The following CFAP43 variants were observed in gnomAD, a reference collection of about 807,000 sequenced individuals.
CFAP43 encodes cilia and flagella associated protein 43.
Under a neutral mutation model 218.9 loss-of-function variants are expected in CFAP43, and 155 were observed. The observed-to-expected ratio is 0.71, with a 90% CI of 0.62 to 0.81. CFAP43 has a LOEUF of 0.81. Ranked by LOEUF, CFAP43 falls within the 30% of genes least tolerant of loss-of-function variation. The pLI, the probability that CFAP43 is intolerant of heterozygous loss-of-function variation, is 0.00. For synonymous variants in CFAP43, 645 were observed against 681.3 expected (o/e 0.95, Z 0.83); for missense variants, 1,778 against 1,954.3 (o/e 0.91, Z 1.70).
At chr10:104,199,436 A>T (rs1369895310) in intron 8 of CFAP43, among the ~76,000 whole-genome samples, 1 of 152,230 alleles carries the variant, frequency 6.6e-6, no homozygotes, top group African/African-American at 2.4e-5. Flanking sequence ...TCTTCAATAA[A>T]TATTAAGTGG....
intron 24 of CFAP43, 42 bp from the exon 25 acceptor site, chr10:104,162,445 A>T: frequency 6.4e-7 from 1 of 1,552,822 alleles, no homozygotes; most frequent in African/African-American, 1.4e-5. Context: ...TTCTTACAAA[A>T]TTCAAACTAA....
intron 3 of CFAP43, among the ~76,000 whole-genome samples, chr10:104,224,075 G>C (rs2091248860): frequency 6.6e-6 from 1 of 152,090 alleles, no homozygotes; most frequent in Non-Finnish European, 1.5e-5. Context: ...ATGGAGTCTT[G>C]CTCTGTCGCC....
chr10:104,221,644 A>G (rs1018436503), intron 3 of CFAP43, among the ~76,000 whole-genome samples: 1 of 152,212 alleles, frequency 6.6e-6, no homozygotes, highest in African/African-American at 2.4e-5. Flanking sequence ...ATTTTGTGAC[A>G]GCTTACTAAG....
At chr10:104,169,207 C>G (rs984702218) in intron 20 of CFAP43, among the ~76,000 whole-genome samples, 10 of 152,174 alleles carry the variant, frequency 6.6e-5, no homozygotes, top group African/African-American at 2.2e-4. Context: ...GTTGGAACAG[C>G]AGGGAAGCAA....
intron 31 of CFAP43, among the ~76,000 whole-genome samples, chr10:104,144,773 G>C (rs1013112097): frequency 1.3e-5 from 2 of 152,156 alleles, no homozygotes; most frequent in African/African-American, 4.8e-5. Flanking sequence ...CAAACTCCTT[G>C]ATTTCTAGAT....
chr10:104,137,469 G>A (rs2087504339), intron 34 of CFAP43, among the ~76,000 whole-genome samples: 1 of 152,104 alleles, frequency 6.6e-6, no homozygotes. Flanking sequence ...AGGTGGATGG[G>A]GAATAATTGC....
In CFAP43 at chr10:104,179,068, C is replaced by G. The variant is rs755266022; in HGVS notation, c.2421G>C (p.Arg807Ser). The G allele has an allele frequency of 5.0e-6, 8 of 1,613,092 alleles. No homozygotes were observed. The South Asian group carries it at 8.8e-5, about 18-fold the overall frequency. Residue 807 changes from arginine to serine, a missense_variant, in exon 19 of 38, where the codon AGG (arginine) becomes AGC (serine). By Grantham distance (110) the Arg-to-Ser change is moderately radical. Coordinates refer to ENST00000357060, the MANE Select transcript of CFAP43 (RefSeq NM_025145.7). ...ATTTGATTCCTTGTTTTATCTCTTT[C>G]CTTTTCTTGGAAAACAGATTAACCT... ...KKEVNLFSKK[R>S]KEIKQGIKSL...
At chr10:104,175,610 C>T (rs938924136) in intron 19 of CFAP43, among the ~76,000 whole-genome samples, 5 of 152,150 alleles carry the variant, frequency 3.3e-5, no homozygotes, top group African/African-American at 1.2e-4. Context: ...CAGTACACTT[C>T]AGAATATTCA....
At chr10:104,194,039 G>T in intron 10 of CFAP43, 25 bp from the exon 11 acceptor site, 1 of 1,609,080 alleles carries the variant, frequency 6.2e-7, no homozygotes, top group Non-Finnish European at 8.5e-7. Flanking sequence ...CCCCAGATGC[G>T]TATCTCTATT....
Position 104,185,113 on chromosome 10 carries a change from G to A in CFAP43, c.2044C>T (p.Gln682Ter). ...TFAWCRSHSH[Q>*]GHGIQSMRIS... ...CTCATTGACTGAATCCCATGACCCT[G>A]GTGAGAATGACTCCGACACCAAGCA... is the stretch of plus-strand genomic sequence containing the variant. The change falls in exon 16 of 38, where the codon CAG (glutamine) becomes TAG (stop). Residue 682 changes from glutamine (Q) to a stop codon, truncating the protein, a stop_gained. Transcript: ENST00000357060. LOFTEE classifies it high-confidence loss of function. The A allele has an allele frequency of 3.1e-6, 5 of 1,613,986 alleles. No homozygotes were observed. Among genetic ancestry groups the A allele is most frequent in the Non-Finnish European group, 3.4e-6 (4 of 1,179,988 alleles).
chr10:104,152,548 G>C, intron 28 of CFAP43, 59 bp downstream of exon 28: 1 of 1,600,060 alleles, frequency 6.2e-7, no homozygotes, highest in Non-Finnish European at 8.5e-7. Context: ...TTCATCCTAA[G>C]AACCATGGAA....
At chr10:104,141,062 C>G in intron 33 of CFAP43, 61 bp from the exon 34 acceptor site, 1 of 1,489,898 alleles carries the variant, frequency 6.7e-7, no homozygotes, top group Non-Finnish European at 9.1e-7. Context: ...CACCTATTAT[C>G]TGAGAATATA....
intron 25 of CFAP43, 65 bp downstream of exon 25, chr10:104,162,252 A>G (rs2088915192): frequency 4.7e-6 from 7 of 1,502,056 alleles, no homozygotes; most frequent in Middle Eastern, 1.7e-4. Flanking sequence ...TATTAAACCA[A>G]ACTAGGAAGC....
chr10:104,154,167 T>C (rs1480352648), intron 27 of CFAP43, among the ~76,000 whole-genome samples: 1 of 152,244 alleles, frequency 6.6e-6, no homozygotes, highest in Non-Finnish European at 1.5e-5. Context: ...ACTATGTAAA[T>C]ATCTTGTTTC....
Position 104,182,479 on chromosome 10 carries a change from C to A in CFAP43, c.2176G>T (p.Asp726Tyr). 6.2e-7 allele frequency: 1 copy of A among 1,611,176 alleles called. No homozygotes were observed. The highest frequency in any genetic ancestry group is 8.5e-7 in the Non-Finnish European group (1 of 1,179,044). ...GAAATTAATAGTTTCTGGTAATAGTCCAGAATTTCACTGGCTAGGTGTCCT... is the reference window on the plus strand; with the variant it reads ...GAAATTAATAGTTTCTGGTAATAGTACAGAATTTCACTGGCTAGGTGTCCT... ...FGGHLASEIL[D>Y]YYQKLLISLS... The change falls in exon 17 of 38, where the codon GAC becomes TAC. Residue 726 changes from aspartate (D) to tyrosine (Y), a missense_variant. Physicochemically the swap from Asp to Tyr is radical, Grantham distance 160. Around this residue, in one of 3 missense-constraint regions of CFAP43, gnomAD observed 1,553 missense variants for 1,685.2 expected, o/e 0.92. Transcript: ENST00000357060.
At chr10:104,183,406 G>A (rs978748655) in intron 16 of CFAP43, among the ~76,000 whole-genome samples, 15 of 145,752 alleles carry the variant, frequency 1.0e-4, no homozygotes, top group East Asian at 4.1e-4. Context: ...TTTTTGAGAC[G>A]GAGTCTCGCT....
At position 104,187,378 on chromosome 10, in the gene CFAP43, T is replaced by C. The variant is rs951082000; in HGVS notation, c.1802A>G (p.Gln601Arg). 6.2e-7 allele frequency: 1 copy of C among 1,611,962 alleles called. No homozygotes were observed. Among genetic ancestry groups the C allele is most frequent in the African/African-American group, 1.3e-5 (1 of 74,796 alleles). ...CACTTGACTACAGAAGCCATATATT[T>C]GGTTACTTTGAAAGCCCAAGACTGC... ...SSAVLGFQSN[Q>R]IYGFCSQVPY... The change falls in exon 14 of 38, where the codon CAA becomes CGA. Residue 601 changes from glutamine to arginine, a missense_variant. Coordinates refer to ENST00000357060, the MANE Select transcript of CFAP43 (RefSeq NM_025145.7).
chr10:104,208,594 T>C (rs1370418334), intron 5 of CFAP43, among the ~76,000 whole-genome samples: 2 of 152,202 alleles, frequency 1.3e-5, no homozygotes, highest in East Asian at 1.9e-4. Context: ...AGGGTACCAG[T>C]AGTGTTTAGA....
chr10:104,225,015 A>G (rs923714254), intron 3 of CFAP43, among the ~76,000 whole-genome samples: 3 of 152,172 alleles, frequency 2.0e-5, no homozygotes, highest in Admixed American at 6.5e-5. Context: ...TTTCCCATAC[A>G]GTGGGCAAAA....
Sources: allele counts gnomAD v4.1 joint callset (sites outside exome capture counted in the v4.1 genomes callset), GRCh38; gene constraint gnomAD v4.1.1; regional missense constraint gnomAD v4.1.1; transcripts MANE v1.5; gene names NCBI Gene and HGNC (gene_info 2026-07-23, HGNC 2026-07-21).